The following SMIM7 variants were observed in gnomAD, a reference collection of about 807,000 sequenced individuals.
SMIM7 encodes the protein UPF0608 protein C19orf42.
A neutral mutation model predicts 13.3 loss-of-function variants in SMIM7; 12 were observed. The ratio of observed to expected loss-of-function variants is 0.90; its 90% CI spans 0.58 to 1.46. The LOEUF is 1.46. Among genes scored for constraint, SMIM7 ranks in the 40% most tolerant of loss-of-function variants. The pLI is 0.00. For missense variants in SMIM7, 114 were observed against 94.8 expected (o/e 1.20, Z -0.84); for synonymous variants, 36 against 35.8 (o/e 1.01, Z -0.02).
chr19:16,654,246 G>A (rs1599374362), intron 3 of SMIM7, 121 bp from the exon 4 acceptor site: 3 of 734,022 alleles, frequency 4.1e-6, no homozygotes, highest in African/African-American at 3.4e-5. Flanking sequence ...TTCGGCAACA[G>A]TGTGGCTTTT....
At position 16,647,821 on chromosome 19, in the gene SMIM7, G is replaced by T. The variant is rs575763291; in HGVS notation, c.213-560C>A. On this transcript the variant is annotated intron_variant, in intron 4 of 4. Transcript: ENST00000487416. ...ACAAAAGATATATACAGGAACTTTC[G>T]GTATTATCTTTGCAACATTTCCACA... Among the ~76,000 whole-genome samples the T allele has an allele frequency of 4.6e-5, 7 of 152,146 alleles. No individual in the cohort carries two copies. The South Asian group carries it at 1.4e-3, about 32-fold the overall frequency.
chr19:16,647,373 T>A, intron 4 of SMIM7, 112 bp from the exon 5 acceptor site: 1 of 1,286,548 alleles, frequency 7.8e-7, no homozygotes, highest in Non-Finnish European at 1.1e-6. Context: ...TGATTTTACA[T>A]GATTGTCTGA....
intron 4 of SMIM7, chr19:16,640,453 A>C (rs939337773): frequency 6.6e-6 from 1 of 152,244 alleles, no homozygotes. Flanking sequence ...ATAAACTCAA[A>C]TTTGGTAAAG....
chr19:16,640,242 A>G (rs2086395486), intron 4 of SMIM7: 1 of 152,058 alleles, frequency 6.6e-6, no homozygotes, highest in African/African-American at 2.4e-5. Context: ...ACGCCTGGCT[A>G]ATTTTTGTAT....
chr19:16,632,105 T>C (rs1374372780), intron 4 of SMIM7, among the ~76,000 whole-genome samples: 8 of 152,008 alleles, frequency 5.3e-5, no homozygotes, highest in Non-Finnish European at 1.0e-4. Context: ...CCTGACTTCA[T>C]GATCCGCCTG....
intron 4 of SMIM7, among the ~76,000 whole-genome samples, chr19:16,637,996 G>A (rs564434168): frequency 2.6e-5 from 4 of 152,028 alleles, no homozygotes; most frequent in African/African-American, 7.3e-5. Context: ...GGTGGCTCAC[G>A]CCTGTAATCC....
chr19:16,654,089 T>C lies in SMIM7; in HGVS notation c.158A>G (p.Tyr53Cys). Residue 53 changes from tyrosine (Y) to cysteine (C), a missense_variant, in exon 4 of 5, where the codon TAC (tyrosine) becomes TGC (cysteine). Coordinates refer to ENST00000487416, the MANE Select transcript of SMIM7 (RefSeq NM_024104.4). ...CCACAGGGCGATGAAGATTCGAAAG[T>C]ATCTGAGGCTCAGCAAGAATTCCCG... ...NIREFLLSLR[Y>C]FRIFIALWNI... The C allele has an allele frequency of 1.9e-6, 3 of 1,614,102 alleles. No homozygotes were observed. The highest frequency in any genetic ancestry group is 2.5e-6 in the Non-Finnish European group (3 of 1,180,022).
At position 16,654,020 on chromosome 19, in the gene SMIM7, G is replaced by A; in HGVS notation, c.212+15C>T. The A allele has an allele frequency of 1.2e-6, 2 of 1,610,720 alleles. No individual in the cohort carries two copies. The highest frequency in any genetic ancestry group is 8.5e-7 in the Non-Finnish European group (1 of 1,177,714). On this transcript the variant is annotated intron_variant, in intron 4 of 4. Transcript: ENST00000487416. The stretch of plus-strand genomic sequence containing the variant: ...TAAGAGACGACAGTGAAAGGAAAGG[G>A]CAGGCTGGACTCACACAATCATGCA...
chr19:16,659,078 T>G, intron 3 of SMIM7: 1 of 371,562 alleles, frequency 2.7e-6, no homozygotes, highest in Non-Finnish European at 5.1e-6. Flanking sequence ...AACCCAGGAG[T>G]TCGAGACCGG....
At chr19:16,653,894 C>G (rs2086562044) in intron 4 of SMIM7, 141 bp downstream of exon 4, 2 of 724,768 alleles carry the variant, frequency 2.8e-6, no homozygotes, top group Admixed American at 3.0e-5. Context: ...GATTCCATCT[C>G]AAACAAAACA....
chr19:16,655,155 T>C (rs549476740), intron 3 of SMIM7: 13 of 351,826 alleles, frequency 3.7e-5, no homozygotes, highest in South Asian at 2.8e-4. Context: ...TTAACCACTT[T>C]GAGCTGGGTT....
At chr19:16,644,118 G>GTTTTTTTTTTTTTTTTTTTTT (rs557600997), downstream of SMIM7, among the ~76,000 whole-genome samples, 1 of 85,430 alleles carries the variant, frequency 1.2e-5, no homozygotes, top group Admixed American at 1.4e-4. Flanking sequence ...AATTGTTTGC[G>GTTTTTTTTTTTTTTTTTTTTT]TTTTTTTTTT....
chr19:16,632,071 T>C (rs547811478), intron 4 of SMIM7, among the ~76,000 whole-genome samples: 16 of 152,176 alleles, frequency 1.1e-4, no homozygotes, highest in African/African-American at 3.4e-4. Context: ...GGTTTCACCA[T>C]GTTGGCCAGG....
At position 16,647,615 on chromosome 19, in the gene SMIM7, C is replaced by A. The variant is rs189999559; in HGVS notation, c.213-354G>T. ...CAATTACAGGCGCCTGCCACCAAGC[C>A]AGATTAATTTTTGTATTTTTAGTAG... On this transcript the variant is annotated intron_variant, in intron 4 of 4. Transcript: ENST00000487416. 1.6e-3 allele frequency among the ~76,000 whole-genome samples: 249 copies of A among 151,100 alleles called. 3 individuals carry two copies. The highest frequency in any genetic ancestry group is 5.5e-3 in the African/African-American group (228 of 41,118).
chr19:16,650,240 C>T (rs1476932804), intron 4 of SMIM7, among the ~76,000 whole-genome samples: 1 of 152,208 alleles, frequency 6.6e-6, no homozygotes, highest in Non-Finnish European at 1.5e-5. Context: ...GCAATTAACA[C>T]TTTGCTGTAC....
intron 3 of SMIM7, among the ~76,000 whole-genome samples, chr19:16,656,675 G>C (rs980534300): frequency 4.6e-5 from 7 of 152,100 alleles, no homozygotes; most frequent in Non-Finnish European, 7.4e-5. Context: ...AAGGAGGGCA[G>C]ATCACCTGAT....
intron 3 of SMIM7, among the ~76,000 whole-genome samples, chr19:16,654,427 G>A (rs1223047272): frequency 6.6e-6 from 1 of 152,190 alleles, no homozygotes; most frequent in African/African-American, 2.4e-5. Flanking sequence ...CTGGGAAAGA[G>A]ATACCTTCTG....
At chr19:16,632,605 T>G (rs1379526208) in intron 4 of SMIM7, among the ~76,000 whole-genome samples, 1 of 150,942 alleles carries the variant, frequency 6.6e-6, no homozygotes, top group Non-Finnish European at 1.5e-5. Flanking sequence ...TGGTGCCATC[T>G]GGGCTCACCT....
chr19:16,659,433 G>A lies in SMIM7; in HGVS notation c.83C>T (p.Thr28Met), dbSNP rs951084549. The part of the protein sequence containing the change: ...VLNFKLKKKD[T>M]QGFGEESREP... ...CCTGGACTCCTCCCCAAAGCCCTGC[G>A]TGTCCTTCTTTTTCCTACAAAGAGG... The change falls in exon 3 of 5, where the codon ACG becomes ATG. Residue 28 changes from threonine to methionine, a missense_variant. Transcript: ENST00000487416. 6 of 1,613,460 alleles carry A rather than the reference G, an allele frequency of 3.7e-6. No individual in the cohort carries two copies. The highest frequency in any genetic ancestry group is 1.3e-5 in the African/African-American group (1 of 74,902).
Sources: allele counts gnomAD v4.1 joint callset (sites outside exome capture counted in the v4.1 genomes callset), GRCh38; gene constraint gnomAD v4.1.1; transcripts MANE v1.5; gene names NCBI Gene and HGNC (gene_info 2026-07-23, HGNC 2026-07-21).